Variants in UBE2D2 observed in about 807,000 individuals in gnomAD.
UBE2D2 encodes the protein ubiquitin conjugating enzyme E2 D2.
Under a neutral mutation model 24.2 loss-of-function variants are expected in UBE2D2, and 2 were observed. The ratio of observed to expected loss-of-function variants is 0.08; its 90% CI spans 0.03 to 0.26. UBE2D2 has a LOEUF of 0.26. Among genes scored for constraint, UBE2D2 ranks in the 10% least tolerant of loss-of-function variants. The pLI is 1.00. For missense variants in UBE2D2, 44 were observed against 177.6 expected, an observed-to-expected ratio of 0.25 and a Z score of 4.28; for synonymous variants, 58 against 56.5, an observed-to-expected ratio of 1.03 and a Z score of -0.12.
At chr5:139,564,325 T>G (rs986622534) in intron 1 of UBE2D2, among the ~76,000 whole-genome samples, 2 of 151,844 alleles carry the variant, frequency 1.3e-5, no homozygotes, top group African/African-American at 4.8e-5. Context: ...GTCTAATTTT[T>G]GTGTTTTTAG....
At position 139,546,810 on chromosome 5, in the gene UBE2D2, CT is replaced by C. The variant is rs1364253175; in HGVS notation, c.-64+20201del. On this transcript the variant is annotated intron_variant, in intron 1 of 6. Transcript: ENST00000511725. ...CTTAAATTTTCTTTCTTTCTTTCTT[CT>C]TTCTTTCTTCCTTCCTTCCTTCCTT... is the stretch of plus-strand genomic sequence containing the variant. Among the ~76,000 whole-genome samples the C allele has an allele frequency of 2.3e-5, 3 of 128,256 alleles. No individual in the cohort carries two copies. In the East Asian group the frequency reaches 7.8e-4, roughly 33 times the overall value. The allele number at this position is 128,256 out of a possible 152,430, so 84.1% of individuals were successfully genotyped here. A position where few individuals can be genotyped will look rare whatever the true frequency, so the allele number is the denominator to read the frequency against.
intron 1 of UBE2D2, among the ~76,000 whole-genome samples, chr5:139,588,402 A>G (rs1581512653): frequency 6.6e-6 from 1 of 152,088 alleles, no homozygotes; most frequent in East Asian, 1.9e-4. Flanking sequence ...CAGCCTCCCA[A>G]GTAGCTGGGG....
At chr5:139,563,084 A>G (rs916472436) in intron 1 of UBE2D2, among the ~76,000 whole-genome samples, 3 of 152,198 alleles carry the variant, frequency 2.0e-5, no homozygotes, top group South Asian at 4.1e-4. Flanking sequence ...CACACGGCCT[A>G]TACCTGTAGC....
intron 2 of UBE2D2, among the ~76,000 whole-genome samples, chr5:139,606,790 C>T (rs1364729012): frequency 6.6e-6 from 1 of 152,034 alleles, no homozygotes; most frequent in Non-Finnish European, 1.5e-5. Flanking sequence ...TTTACTTGAA[C>T]CTCTAGTAAT....
At chr5:139,546,857 CCTTCCTTCCTTCCTTT>C (rs1376444117) in intron 1 of UBE2D2, among the ~76,000 whole-genome samples, 78 of 129,636 alleles carry the variant, frequency 6.0e-4, no homozygotes, top group East Asian at 2.2e-3. Context: ...TTCCTTCCTT[CCTTCCTTCCTTCCTTT>C]CTTTCCTTCT....
intron 1 of UBE2D2, among the ~76,000 whole-genome samples, chr5:139,535,229 G>A (rs962521236): frequency 1.3e-5 from 2 of 150,618 alleles, no homozygotes; most frequent in African/African-American, 4.9e-5. Context: ...GGTGGGTCAC[G>A]AGGTCAGGAG....
In UBE2D2 at chr5:139,580,293, G is replaced by A. The variant is rs1012706086; in HGVS notation, c.24+18478G>A. On this transcript the variant is annotated intron_variant, in intron 1 of 6. Transcript: ENST00000398733. ...TTGCCCAGGCTGGTCTCGAACTCCC[G>A]GGCTCAAGTGTTACGCCCACCTCAG... Among the ~76,000 whole-genome samples the A allele has an allele frequency of 2.0e-5, 3 of 151,846 alleles. No individual in the cohort carries two copies. The South Asian group carries it at 6.2e-4, about 32-fold the overall frequency.
At chr5:139,619,222 C>G (rs368957486) in intron 5 of UBE2D2, among the ~76,000 whole-genome samples, 1 of 152,036 alleles carries the variant, frequency 6.6e-6, no homozygotes, top group Admixed American at 6.5e-5. Flanking sequence ...ATAGTGAAAC[C>G]TGATTTCTAC....
At chr5:139,551,363 GAA>G (rs1394283528) in intron 1 of UBE2D2, among the ~76,000 whole-genome samples, 6 of 151,976 alleles carry the variant, frequency 3.9e-5, no homozygotes, top group Admixed American at 6.6e-5. Context: ...GAAAAAAAAA[GAA>G]TATTTCTCCA....
chr5:139,600,299 C>A (rs1005773096), intron 1 of UBE2D2, 73 bp from the exon 2 acceptor site: 3 of 1,493,246 alleles, frequency 2.0e-6, no homozygotes, highest in Non-Finnish European at 2.8e-6. Flanking sequence ...ATATTGGTAA[C>A]AATATAAACT....
intron 1 of UBE2D2, among the ~76,000 whole-genome samples, chr5:139,529,400 G>A (rs1752576142): frequency 1.3e-5 from 2 of 152,154 alleles, no homozygotes; most frequent in Non-Finnish European, 2.9e-5. Flanking sequence ...TAAACAGCAT[G>A]GGATAAGATG....
At chr5:139,625,512 C>T (rs1403947588) in intron 6 of UBE2D2, among the ~76,000 whole-genome samples, 1 of 140,602 alleles carries the variant, frequency 7.1e-6, no homozygotes, top group African/African-American at 2.7e-5. Flanking sequence ...GGCACAATCA[C>T]AGCTCACTGT....
Position 139,546,251 on chromosome 5 carries a change from C to T in UBE2D2, c.-64+19639C>T, listed in dbSNP as rs188667886. ...TAGAGACGAGGATTCACCATGTTGG[C>T]CAGGCTGGTCTTGAACTCCTGACCT... is the stretch of plus-strand genomic sequence containing the variant. On this transcript the variant is annotated intron_variant, in intron 1 of 6. Transcript: ENST00000511725. Among the ~76,000 whole-genome samples the T allele has an allele frequency of 1.6e-4, 25 of 152,048 alleles. No individual in the cohort carries two copies. The East Asian group carries it at 1.9e-3, about 12-fold the overall frequency.
chr5:139,600,309 T>G, intron 1 of UBE2D2, 63 bp from the exon 2 acceptor site: 1 of 1,548,802 alleles, frequency 6.5e-7, no homozygotes, highest in South Asian at 1.1e-5. Flanking sequence ...CAATATAAAC[T>G]TTAGTAATGG....
rs1029882896 is a variant in UBE2D2 at position 139,585,567 on chromosome 5, T to C, written c.25-14805T>C. 2.0e-5 allele frequency among the ~76,000 whole-genome samples: 3 copies of C among 152,078 alleles called. No homozygotes were observed. In the East Asian group the frequency reaches 5.8e-4, roughly 29 times the overall value. On this transcript the variant is annotated intron_variant, in intron 1 of 6. Transcript: ENST00000398733. ...TTCCTGCCGCTATTGGTGATTGGGC[T>C]GAATGGACTAGACTTCCTTTTGGAA...
rs575517779 is a variant in UBE2D2, at chr5:139,544,631, A to C, written c.-64+18019A>C. The stretch of plus-strand genomic sequence containing the variant: ...ACCACACACACACACACACACACAC[A>C]CCCCAAAATTTTATGAAGATTAAAG... On this transcript the variant is annotated intron_variant, in intron 1 of 6. Coordinates refer to the UBE2D2 transcript ENST00000511725. Among the ~76,000 whole-genome samples the C allele has an allele frequency of 6.8e-4, 102 of 150,122 alleles. 1 individual carries two copies. The highest frequency in any genetic ancestry group is 1.1e-3 in the South Asian group (5 of 4,722).
At chr5:139,590,443 TA>T (rs1035963843) in intron 1 of UBE2D2, among the ~76,000 whole-genome samples, 2,268 of 94,810 alleles carry the variant, frequency 0.024, 45 homozygotes, top group African/African-American at 0.072. Context: ...TCAAAAAAAA[TA>T]AAAAAAAAAA....
intron 1 of UBE2D2, among the ~76,000 whole-genome samples, chr5:139,598,777 G>A (rs1034758066): frequency 6.6e-6 from 1 of 151,512 alleles, no homozygotes; most frequent in Non-Finnish European, 1.5e-5. Context: ...GGCCAGGCTG[G>A]TTTCAAGCTC....
intron 2 of UBE2D2, among the ~76,000 whole-genome samples, chr5:139,613,410 T>A (rs1032274094): frequency 2.0e-5 from 3 of 152,202 alleles, no homozygotes; most frequent in African/African-American, 7.2e-5. Flanking sequence ...AGCTTAATTA[T>A]AAGTAAAAAC....
Sources: gnomAD v4.1 joint callset for allele counts (sites outside exome capture counted in the v4.1 genomes callset) on GRCh38, gnomAD v4.1.1 for gene constraint, MANE v1.5 for transcripts, NCBI Gene and HGNC (gene_info 2026-07-23, HGNC 2026-07-21) for gene names.